The following CNTLN variants were observed in gnomAD, a reference collection of about 807,000 sequenced individuals.
The protein encoded by CNTLN is centlein.
A neutral mutation model predicts 180.0 loss-of-function variants in CNTLN; 212 were observed. That is an observed-to-expected ratio of 1.18 (90% CI 1.05 to 1.32). CNTLN has a LOEUF of 1.32. Among genes scored for constraint, CNTLN ranks in the 40% most tolerant of loss-of-function variants. The probability of loss-of-function intolerance (pLI) is 0.00; values close to 1 mark genes in which losing one functional copy is unlikely to be tolerated. For synonymous variants in CNTLN, 722 were observed against 563.1 expected (o/e 1.28, Z -3.99); for missense variants, 2,095 against 1,610.9 (o/e 1.30, Z -5.14).
intron 5 of CNTLN, among the ~76,000 whole-genome samples, chr9:17,249,177 T>C (rs1825978550): frequency 6.6e-6 from 1 of 152,116 alleles, no homozygotes; most frequent in African/African-American, 2.4e-5. Flanking sequence ...AGGATATTAA[T>C]GAGATACATC....
rs1828229857 is a variant in CNTLN, at chr9:17,416,173, G to C, written c.3098G>C (p.Ser1033Thr). Reference sequence around the variant, plus strand: ...GTATCCGATCAACGATTTCAGACAAGCAGGCAGACAATAAAGGTAAAGAGA... The same window carrying C: ...GTATCCGATCAACGATTTCAGACAACCAGGCAGACAATAAAGGTAAAGAGA... Reference protein sequence around the residue: ...QQVSDQRFQTSRQTIKKLNLD... With the variant: ...QQVSDQRFQTTRQTIKKLNLD... The change falls in exon 18 of 26, where the codon AGC (serine) becomes ACC (threonine). Residue 1033 changes from serine to threonine, a missense_variant. By Grantham distance (58) the Ser-to-Thr change is moderately conservative (BLOSUM62 1). Coordinates refer to ENST00000380647, the MANE Select transcript of CNTLN (RefSeq NM_017738.4). 1.2e-6 allele frequency: 2 copies of C among 1,612,732 alleles called. No individual in the cohort carries two copies. Among genetic ancestry groups the C allele is most frequent in the Non-Finnish European group, 1.7e-6 (2 of 1,179,392 alleles).
chr9:17,160,075 T>C (rs185880364), intron 2 of CNTLN, among the ~76,000 whole-genome samples: 75 of 152,332 alleles, frequency 4.9e-4, no homozygotes, highest in Non-Finnish European at 7.6e-4. Flanking sequence ...TTAGAAGTTG[T>C]ACCAACTTAC....
chr9:17,441,388 A>G (rs1182732106), intron 18 of CNTLN, among the ~76,000 whole-genome samples: 1 of 152,210 alleles, frequency 6.6e-6, no homozygotes, highest in Non-Finnish European at 1.5e-5. Context: ...ATGAATACAT[A>G]ATATAAAAAG....
chr9:17,338,355 T>TTTTTTTTG (rs1554691993), intron 10 of CNTLN, among the ~76,000 whole-genome samples: 2 of 147,484 alleles, frequency 1.4e-5, no homozygotes, highest in African/African-American at 5.0e-5. Context: ...TTTTTTTTTT[T>TTTTTTTTG]AGAGATGGGG....
At chr9:17,470,542 T>A (rs1779096328) in intron 23 of CNTLN, among the ~76,000 whole-genome samples, 1 of 151,932 alleles carries the variant, frequency 6.6e-6, no homozygotes, top group Non-Finnish European at 1.5e-5. Context: ...CTGTTCTAGA[T>A]CTAGTCTTGA....
intron 12 of CNTLN, among the ~76,000 whole-genome samples, chr9:17,357,947 T>C (rs1822981377): frequency 6.6e-6 from 1 of 152,058 alleles, no homozygotes; most frequent in Admixed American, 6.5e-5. Flanking sequence ...TAGTTGCTTC[T>C]TAAGAAACTT....
chr9:17,295,015 C>T (rs950160200), intron 6 of CNTLN, among the ~76,000 whole-genome samples: 3 of 151,672 alleles, frequency 2.0e-5, no homozygotes, highest in African/African-American at 7.3e-5. Context: ...AAATTGAGAG[C>T]AGCGCCGGTG....
At chr9:17,478,781 A>G (rs148364721) in intron 23 of CNTLN, among the ~76,000 whole-genome samples, 1 of 152,208 alleles carries the variant, frequency 6.6e-6, no homozygotes, top group African/African-American at 2.4e-5. Context: ...CCTGTCGACT[A>G]TATTTATGGA....
chr9:17,249,326 A>G (rs1015090636), intron 5 of CNTLN, among the ~76,000 whole-genome samples: 12 of 141,120 alleles, frequency 8.5e-5, no homozygotes, highest in Non-Finnish European at 1.5e-4. Flanking sequence ...TTCTTCTTTG[A>G]TCCATTGGTT....
At chr9:17,520,747 G>A in the CNTLN span, among the ~76,000 whole-genome samples, 1 of 152,204 alleles carries the variant, frequency 6.6e-6, no homozygotes, top group African/African-American at 2.4e-5. Context: ...ATCAGCTGAT[G>A]TATTTTTAGT....
At chr9:17,418,951 T>C (rs1434861277) in intron 18 of CNTLN, among the ~76,000 whole-genome samples, 3 of 152,104 alleles carry the variant, frequency 2.0e-5, no homozygotes, top group Non-Finnish European at 2.9e-5. Flanking sequence ...GTCAGTTTCA[T>C]TGCAATGTGT....
rs568541570 is a variant in CNTLN at position 17,329,435 on chromosome 9, T to C, written c.1342-1197T>C. Among the ~76,000 whole-genome samples the C allele has an allele frequency of 1.4e-4, 22 of 152,204 alleles. No homozygotes were observed. In the East Asian group the frequency reaches 3.5e-3, roughly 24 times the overall value. Reference sequence around the variant, plus strand: ...AAGAGAAATGCTTAAAATATTTTAATTTGATGTTCAAAGCAAGATAATGAA... The same window carrying C: ...AAGAGAAATGCTTAAAATATTTTAACTTGATGTTCAAAGCAAGATAATGAA... On this transcript the variant is annotated intron_variant, in intron 8 of 25. Transcript: ENST00000380647.
At chr9:17,280,997 T>C (rs1284882554) in intron 6 of CNTLN, among the ~76,000 whole-genome samples, 1 of 152,136 alleles carries the variant, frequency 6.6e-6, no homozygotes, top group Non-Finnish European at 1.5e-5. Flanking sequence ...AAGACACATA[T>C]TTAATAAGAG....
At chr9:17,443,362 A>G (rs1291523435) in intron 18 of CNTLN, among the ~76,000 whole-genome samples, 1 of 152,112 alleles carries the variant, frequency 6.6e-6, no homozygotes, top group Non-Finnish European at 1.5e-5. Context: ...AGCAATCAAC[A>G]GAATATGCAA....
intron 2 of CNTLN, among the ~76,000 whole-genome samples, chr9:17,177,158 C>G (rs1820766683): frequency 2.0e-5 from 3 of 151,992 alleles, no homozygotes; most frequent in Admixed American, 6.6e-5. Context: ...GCCTGTAATC[C>G]CAGCACTTTG....
intron 2 of CNTLN, among the ~76,000 whole-genome samples, chr9:17,212,701 G>A (rs1403997412): frequency 6.6e-6 from 1 of 152,102 alleles, no homozygotes; most frequent in African/African-American, 2.4e-5. Flanking sequence ...TTTTTGGTTG[G>A]TAGGCTATTA....
chr9:17,473,109 G>A (rs1230699524), intron 23 of CNTLN, among the ~76,000 whole-genome samples: 1 of 152,148 alleles, frequency 6.6e-6, no homozygotes, highest in Non-Finnish European at 1.5e-5. Context: ...GGAAGTGAAT[G>A]TGATTAAATA....
rs1773651919 is a variant in CNTLN at position 17,273,732 on chromosome 9, G to A, written c.850-1G>A. On this transcript the variant is annotated splice_acceptor_variant, in intron 5 of 25. Coordinates refer to ENST00000380647, the MANE Select transcript of CNTLN (RefSeq NM_017738.4). LOFTEE classifies it high-confidence loss of function. ...TATTGATATAAGCACTCTAATTTTAGACCTTTGAAGACAATTTAATTGAAG... is the reference window on the plus strand; with the variant it reads ...TATTGATATAAGCACTCTAATTTTAAACCTTTGAAGACAATTTAATTGAAG... The A allele has an allele frequency of 1.4e-6, 2 of 1,479,458 alleles. No individual in the cohort carries two copies. Among genetic ancestry groups the A allele is most frequent in the African/African-American group, 2.9e-5 (2 of 68,798 alleles). The allele number at this position is 1,479,458 out of a possible 1,614,324, so 91.6% of individuals were successfully genotyped here.
intron 2 of CNTLN, among the ~76,000 whole-genome samples, chr9:17,175,970 T>A (rs979998921): frequency 1.3e-5 from 2 of 152,194 alleles, no homozygotes; most frequent in Admixed American, 6.5e-5. Flanking sequence ...TCTAAGATTT[T>A]ATTTTTTTAA....
Sources: gnomAD v4.1 joint callset for allele counts (sites outside exome capture counted in the v4.1 genomes callset) on GRCh38, gnomAD v4.1.1 for gene constraint, MANE v1.5 for transcripts, NCBI Gene and HGNC (gene_info 2026-07-23, HGNC 2026-07-21) for gene names.